Variants in DGCR8 observed in about 807,000 individuals in gnomAD.
DGCR8 encodes microprocessor complex subunit DGCR8.
A neutral mutation model predicts 78.5 loss-of-function variants in DGCR8; 14 were observed. The observed-to-expected ratio is 0.18, with a 90% confidence interval of 0.12 to 0.28. The LOEUF (loss-of-function observed/expected upper bound fraction) is 0.28. DGCR8 is among the 10% of genes least tolerant of loss of function. The pLI is 1.00. For synonymous variants in DGCR8, 399 were observed against 402.4 expected, an observed-to-expected ratio of 0.99 and a Z score of 0.10; for missense variants, 702 against 1,022.5, an observed-to-expected ratio of 0.69 and a Z score of 4.28.
Position 20,110,446 on chromosome 22 carries a change from A to G in DGCR8, c.*338A>G. On this transcript the variant is annotated 3_prime_UTR_variant, in exon 14 of 14. Coordinates refer to ENST00000351989, the MANE Select transcript of DGCR8 (RefSeq NM_022720.7). ...TATGAAGGCTTTCATGAATTTTAGT[A>G]TGTAATACGCACTGACGACACATGA... is the stretch of plus-strand genomic sequence containing the variant. 3.6e-6 allele frequency: 1 copy of G among 278,284 alleles called. No homozygotes were observed. The highest frequency in any genetic ancestry group is 7.8e-5 in the East Asian group (1 of 12,772). The allele number at this position is 278,284 out of a possible 1,614,324, so 17.2% of individuals were successfully genotyped here.
intron 9 of DGCR8, among the ~76,000 whole-genome samples, chr22:20,095,278 G>A (rs1428093119): frequency 2.0e-5 from 3 of 152,068 alleles, no homozygotes; most frequent in East Asian, 1.9e-4. Context: ...GCTAATTTTT[G>A]TATTTTTAGT....
chr22:20,106,721 C>G (rs200866835), intron 11 of DGCR8, 23 bp downstream of exon 11: 1 of 1,560,974 alleles, frequency 6.4e-7, no homozygotes, highest in Non-Finnish European at 8.8e-7. Context: ...TCTCTGCTGC[C>G]TGGTGGCCGC....
rs372045002 is a variant in DGCR8 at position 20,091,390 on chromosome 22, A to G, written c.1307-45A>G. ...ACTGGGCTGTGAGAACCTGACTCCTATGTTGGAAGTTAAGTAATTTGTTTC... is the reference window on the plus strand; with the variant it reads ...ACTGGGCTGTGAGAACCTGACTCCTGTGTTGGAAGTTAAGTAATTTGTTTC... On this transcript the variant is annotated intron_variant, in intron 5 of 13. Coordinates refer to ENST00000351989, the MANE Select transcript of DGCR8 (RefSeq NM_022720.7). 110 of 1,601,546 alleles carry G rather than the reference A, an allele frequency of 6.9e-5. No homozygotes were observed. In the African/African-American group the frequency reaches 9.8e-4, roughly 14 times the overall value.
At chr22:20,081,953 C>T (rs934934430) in intron 1 of DGCR8, among the ~76,000 whole-genome samples, 6 of 152,212 alleles carry the variant, frequency 3.9e-5, no homozygotes, top group Non-Finnish European at 8.8e-5. Flanking sequence ...GCCCAGCCTA[C>T]CTGGTGAGCC....
chr22:20,111,706 G>GCCCCCCCCCCCCCCCC lies in DGCR8; in HGVS notation c.*1599_*1614dup, dbSNP rs71717697. On this transcript the variant is annotated 3_prime_UTR_variant, in exon 14 of 14. Coordinates refer to ENST00000351989, the MANE Select transcript of DGCR8 (RefSeq NM_022720.7). The stretch of plus-strand genomic sequence containing the variant: ...TGCCATACTCTTGTGGTCTCTGTGC[G>GCCCCCCCCCCCCCCCC]CCCCCCCCCCCCCCCCACCCGTCTG... 146 of 63,038 alleles carry GCCCCCCCCCCCCCCCC rather than the reference G, an allele frequency of 2.3e-3. 54 individuals carry two copies. The highest frequency in any genetic ancestry group is 3.1e-3 in the Non-Finnish European group (103 of 33,560). 3.9% of individuals were successfully genotyped at this position (63,038 alleles called of 1,614,324 possible). A position where few individuals can be genotyped will look rare whatever the true frequency, so the allele number is the denominator to read the frequency against.
chr22:20,106,894 C>T (rs1240227691), intron 11 of DGCR8, 196 bp downstream of exon 11: 40 of 595,856 alleles, frequency 6.7e-5, no homozygotes, highest in Non-Finnish European at 6.0e-6. Context: ...TTTCCCTTTC[C>T]CCCGCTGTCA....
chr22:20,110,414 C>T lies in DGCR8; in HGVS notation c.*306C>T, dbSNP rs879036823. 3.6e-5 allele frequency: 13 copies of T among 357,230 alleles called. No homozygotes were observed. The South Asian group carries it at 7.2e-4, about 20-fold the overall frequency. The allele number at this position is 357,230 out of a possible 1,614,324, so 22.1% of individuals were successfully genotyped here. A position where few individuals can be genotyped will look rare whatever the true frequency, so the allele number is the denominator to read the frequency against. On this transcript the variant is annotated 3_prime_UTR_variant, in exon 14 of 14. Transcript: ENST00000351989. Reference sequence around the variant, plus strand: ...CCTGCTTCTGTGCACCTGCTGCAGGCTCTTTTTATGAAGGCTTTCATGAAT... The same window carrying T: ...CCTGCTTCTGTGCACCTGCTGCAGGTTCTTTTTATGAAGGCTTTCATGAAT...
chr22:20,088,157 G>C (rs1438564174), intron 3 of DGCR8, among the ~76,000 whole-genome samples: 1 of 152,166 alleles, frequency 6.6e-6, no homozygotes, highest in Non-Finnish European at 1.5e-5. Context: ...GAGGGGACAA[G>C]TTAGCTATGC....
intron 10 of DGCR8, 28 bp downstream of exon 10, chr22:20,106,305 G>A: frequency 1.3e-6 from 2 of 1,539,810 alleles, no homozygotes; most frequent in South Asian, 1.1e-5. Context: ...CTCCCCCCAT[G>A]AGTCAGGTCG....
intron 12 of DGCR8, 99 bp from the exon 13 acceptor site, chr22:20,108,791 G>GCGCCTACCTTGCCAGACCCTGGCCA: frequency 1.4e-6 from 1 of 705,216 alleles, no homozygotes; most frequent in Non-Finnish European, 2.6e-6. Context: ...GACCCTGGGC[G>GCGCCTACCTTGCCAGACCCTGGCCA]CGCCTGCCTT....
intron 9 of DGCR8, among the ~76,000 whole-genome samples, chr22:20,096,826 T>C (rs991368401): frequency 1.3e-5 from 2 of 152,240 alleles, no homozygotes; most frequent in African/African-American, 4.8e-5. Flanking sequence ...TGTAGGTTTT[T>C]ATCAGAATAA....
chr22:20,104,475 T>C (rs1402843843), intron 9 of DGCR8, among the ~76,000 whole-genome samples: 2 of 152,124 alleles, frequency 1.3e-5, no homozygotes, highest in African/African-American at 4.8e-5. Context: ...CTGGCGTCGG[T>C]CTTTTGCCAG....
At chr22:20,103,807 T>C (rs1455620652) in intron 9 of DGCR8, among the ~76,000 whole-genome samples, 1 of 152,234 alleles carries the variant, frequency 6.6e-6, no homozygotes, top group Non-Finnish European at 1.5e-5. Flanking sequence ...CTACTAACTA[T>C]AACTATGACT....
In DGCR8 at chr22:20,111,311, C is replaced by T. The variant is rs550755566; in HGVS notation, c.*1203C>T. 674 of 397,980 alleles carry T rather than the reference C, an allele frequency of 1.7e-3. 1 individual carries two copies. The highest frequency in any genetic ancestry group is 2.3e-3 in the Non-Finnish European group (511 of 226,160). The allele number at this position is 397,980 out of a possible 1,614,324, so 24.7% of individuals were successfully genotyped here. On this transcript the variant is annotated 3_prime_UTR_variant, in exon 14 of 14. Coordinates refer to ENST00000351989, the MANE Select transcript of DGCR8 (RefSeq NM_022720.7). ...TGCGCCATCTGAAGCAAGAGTCCAGCGTTCTGCCGTGTCTGTCCCCCACCA... is the reference window on the plus strand; with the variant it reads ...TGCGCCATCTGAAGCAAGAGTCCAGTGTTCTGCCGTGTCTGTCCCCCACCA...
chr22:20,103,966 G>A (rs190103675), intron 9 of DGCR8, among the ~76,000 whole-genome samples: 1 of 152,270 alleles, frequency 6.6e-6, no homozygotes, highest in East Asian at 1.9e-4. Context: ...ACGGTCCTTT[G>A]GCATCTGCCA....
intron 1 of DGCR8, among the ~76,000 whole-genome samples, chr22:20,082,953 A>C (rs1465508202): frequency 6.6e-6 from 1 of 152,144 alleles, no homozygotes; most frequent in Non-Finnish European, 1.5e-5. Context: ...CTAAGAGCCA[A>C]AGTCCTGGCA....
At chr22:20,094,852 CCT>C (rs1302372464) in intron 9 of DGCR8, 57 bp downstream of exon 9, 197 of 1,496,810 alleles carry the variant, frequency 1.3e-4, no homozygotes, top group Non-Finnish European at 1.2e-4. Flanking sequence ...GCTACCCTGC[CCT>C]GTTAGTGTGA....
intron 1 of DGCR8, among the ~76,000 whole-genome samples, chr22:20,082,059 T>TG (rs931559532): frequency 4.0e-5 from 6 of 151,320 alleles, no homozygotes; most frequent in African/African-American, 1.5e-4. Flanking sequence ...TTCTTTTTTT[T>TG]TTTTTTTGTT....
At chr22:20,105,127 G>A (rs2049754360) in intron 9 of DGCR8, among the ~76,000 whole-genome samples, 1 of 152,192 alleles carries the variant, frequency 6.6e-6, no homozygotes, top group South Asian at 2.1e-4. Context: ...AGGTTAACAT[G>A]AGATCACACT....
Sources: allele counts gnomAD v4.1 joint callset (sites outside exome capture counted in the v4.1 genomes callset), GRCh38; gene constraint gnomAD v4.1.1; transcripts MANE v1.5; gene names NCBI Gene and HGNC (gene_info 2026-07-23, HGNC 2026-07-21).